The following ARHGEF10L variants were observed in gnomAD, a reference collection of about 807,000 sequenced individuals.
ARHGEF10L encodes rho guanine nucleotide exchange factor 10-like protein.
Under a neutral mutation model 141.2 loss-of-function variants are expected in ARHGEF10L, and 69 were observed. That is an observed-to-expected ratio of 0.49 (90% CI 0.40 to 0.60). ARHGEF10L has a LOEUF of 0.60. Ranked by LOEUF, ARHGEF10L falls within the 20% of genes least tolerant of loss-of-function variation. The probability of loss-of-function intolerance (pLI) is 0.00; values close to 1 mark genes in which losing one functional copy is unlikely to be tolerated. For synonymous variants in ARHGEF10L, 711 were observed against 718.5 expected, an observed-to-expected ratio of 0.99 and a Z score of 0.17; for missense variants, 1,482 against 1,734.3, an observed-to-expected ratio of 0.85 and a Z score of 2.58.
In ARHGEF10L at chr1:17,634,290, C is replaced by G. The variant is rs543151500; in HGVS notation, c.1731-258C>G. 4.8e-6 allele frequency: 3 copies of G among 624,648 alleles called. No homozygotes were observed. In the African/African-American group the frequency reaches 5.6e-5, roughly 12 times the overall value. The allele number at this position is 624,648 out of a possible 1,614,324, so 38.7% of individuals were successfully genotyped here. ...AGTTTGGGTGATTTGGGCTGAGTCA[C>G]TTCACTTGACTGAGGATCAGTGTCC... On this transcript the variant is annotated intron_variant, in intron 16 of 28. Transcript: ENST00000361221.
rs536337411 is a variant in ARHGEF10L, at chr1:17,684,677, C to T, written c.3010-2896C>T. On this transcript the variant is annotated intron_variant, in intron 26 of 28. Transcript: ENST00000361221. ...TTGGGGGGCCCCCACCCAATGGAGA[C>T]ACCGCACCCCTGCCTTTGGTGAACT... is the stretch of plus-strand genomic sequence containing the variant. Among the ~76,000 whole-genome samples, 9 of 152,312 alleles carry T rather than the reference C, an allele frequency of 5.9e-5. No homozygotes were observed. The South Asian group carries it at 1.9e-3, about 32-fold the overall frequency.
intron 26 of ARHGEF10L, among the ~76,000 whole-genome samples, chr1:17,670,154 G>T (rs543651677): frequency 6.6e-6 from 1 of 152,272 alleles, no homozygotes; most frequent in Non-Finnish European, 1.5e-5. Flanking sequence ...AGGGTGGGGC[G>T]CCTGAGCTGA....
intron 1 of ARHGEF10L, among the ~76,000 whole-genome samples, chr1:17,575,503 A>G (rs183543872): frequency 1.3e-5 from 2 of 152,360 alleles, no homozygotes; most frequent in Non-Finnish European, 2.9e-5. Context: ...GAGATGTCAA[A>G]CAGGTCAGGT....
chr1:17,695,236 T>C lies in ARHGEF10L; in HGVS notation c.3263T>C (p.Val1088Ala). 6.2e-7 allele frequency: 1 copy of C among 1,606,972 alleles called. No individual in the cohort carries two copies. Among genetic ancestry groups the C allele is most frequent in the Non-Finnish European group, 8.5e-7 (1 of 1,177,282 alleles). The change falls in exon 28 of 29, where the codon GTC becomes GCC. Residue 1088 changes from valine to alanine, a missense_variant. Transcript: ENST00000361221. ...GTGGGCACTGACCAGGGTGTCATCG[T>C]CCTGCTGCCCGTGCCTCGGCTGGAA... ...LWVGTDQGVI[V>A]LLPVPRLEGI...
At chr1:17,646,879 G>A (rs541389357) in intron 21 of ARHGEF10L, among the ~76,000 whole-genome samples, 21 of 152,110 alleles carry the variant, frequency 1.4e-4, no homozygotes, top group African/African-American at 4.1e-4. Flanking sequence ...AGGGACCTTC[G>A]CAGCTCTTCC....
intron 1 of ARHGEF10L, among the ~76,000 whole-genome samples, chr1:17,574,344 C>T (rs988923334): frequency 1.3e-5 from 2 of 152,186 alleles, no homozygotes; most frequent in African/African-American, 4.8e-5. Flanking sequence ...CAGCTATTGT[C>T]ATTTCAAATT....
At chr1:17,549,694 A>C (rs2077042831) in intron 1 of ARHGEF10L, among the ~76,000 whole-genome samples, 1 of 152,340 alleles carries the variant, frequency 6.6e-6, no homozygotes, top group African/African-American at 2.4e-5. Flanking sequence ...CTGTTACTCT[A>C]GGTGCAAAAG....
At chr1:17,575,938 C>T (rs567196280) in intron 1 of ARHGEF10L, among the ~76,000 whole-genome samples, 5 of 152,312 alleles carry the variant, frequency 3.3e-5, no homozygotes, top group East Asian at 3.9e-4. Flanking sequence ...GGGCCAGAAC[C>T]GATTCCTTGC....
chr1:17,638,771 G>GAGCC lies in ARHGEF10L; in HGVS notation c.2171+83_2171+86dup, dbSNP rs1413078415. ...GCAGGGGATCCGGAGAGGGTACCTGGAGCCCTCTTATTTGTCGAGATGCCA... is the reference window on the plus strand; with the variant it reads ...GCAGGGGATCCGGAGAGGGTACCTGGAGCCAGCCCTCTTATTTGTCGAGATGCCA... On this transcript the variant is annotated intron_variant, in intron 20 of 28. Coordinates refer to ENST00000361221, the MANE Select transcript of ARHGEF10L (RefSeq NM_018125.4). 1.9e-6 allele frequency: 3 copies of GAGCC among 1,576,966 alleles called. No individual in the cohort carries two copies. The African/African-American group carries it at 4.0e-5, about 21-fold the overall frequency.
In ARHGEF10L at chr1:17,656,820, TC is replaced by T; in HGVS notation, c.2860+113del. The T allele has an allele frequency of 7.3e-7, 1 of 1,365,156 alleles. No homozygotes were observed. The highest frequency in any genetic ancestry group is 1.4e-5 in the African/African-American group (1 of 69,684). The allele number at this position is 1,365,156 out of a possible 1,614,324, so 84.6% of individuals were successfully genotyped here. On this transcript the variant is annotated intron_variant, in intron 25 of 28. Transcript: ENST00000361221. This position sits in a 1 kb window ranked among gnomAD's most constrained non-coding sequence, Gnocchi z 4.9. ...CTGGGCAGGAATGAATTGGGAAATC[TC>T]AGTGCTGAGGGCATTTGGAGATCCG...
At chr1:17,665,171 G>A (rs1316853984) in intron 26 of ARHGEF10L, among the ~76,000 whole-genome samples, 1 of 152,226 alleles carries the variant, frequency 6.6e-6, no homozygotes, top group Non-Finnish European at 1.5e-5. Context: ...GGGAGACTCA[G>A]CATGGTTCCC....
intron 26 of ARHGEF10L, among the ~76,000 whole-genome samples, chr1:17,685,996 G>A (rs2064537699): frequency 6.6e-6 from 1 of 152,196 alleles, no homozygotes; most frequent in South Asian, 2.1e-4. Flanking sequence ...TCCTGCTCCT[G>A]GAGTAAGCCT....
chr1:17,640,102 C>G lies in ARHGEF10L; in HGVS notation c.2172-100C>G. On this transcript the variant is annotated intron_variant, in intron 20 of 28. Transcript: ENST00000361221. ...GATGCTCTGACCAGACCTCCTTGAT[C>G]TCCAGGGCGCGTGGGTTGGAGGAAG... 7 of 1,506,640 alleles carry G rather than the reference C, an allele frequency of 4.6e-6. No homozygotes were observed. The South Asian group carries it at 7.8e-5, about 17-fold the overall frequency. The allele number at this position is 1,506,640 out of a possible 1,614,324, so 93.3% of individuals were successfully genotyped here.
At chr1:17,535,911 G>A (rs1416766830), upstream of ARHGEF10L, among the ~76,000 whole-genome samples, 9 of 152,186 alleles carry the variant, frequency 5.9e-5, no homozygotes, top group Admixed American at 2.0e-4. Context: ...TCCAGCCTCC[G>A]TGGACTCACA....
At chr1:17,618,707 A>T (rs1252162742) in intron 9 of ARHGEF10L, among the ~76,000 whole-genome samples, 1 of 151,944 alleles carries the variant, frequency 6.6e-6, no homozygotes, top group Non-Finnish European at 1.5e-5. Context: ...GGGGGCTGGA[A>T]CCCTCTCCGG....
intron 15 of ARHGEF10L, among the ~76,000 whole-genome samples, chr1:17,628,817 G>C (rs2060520520): frequency 6.6e-6 from 1 of 152,140 alleles, no homozygotes; most frequent in South Asian, 2.1e-4. Context: ...CATGTGTGCT[G>C]CACTTTACAG....
Position 17,644,788 on chromosome 1 carries a change from A to T in ARHGEF10L, c.2273-3766A>T, listed in dbSNP as rs1039523383. ...CTCAGCTGCCCTCAGTAATAGCGAC[A>T]GTCAGACCATGAGCAGCGAGGACAG... On this transcript the variant is annotated intron_variant, in intron 21 of 28. Transcript: ENST00000361221. This position sits in a 1 kb window ranked among gnomAD's most constrained non-coding sequence, Gnocchi z 4.5. Among the ~76,000 whole-genome samples the T allele has an allele frequency of 1.3e-5, 2 of 152,202 alleles. No individual in the cohort carries two copies. The highest frequency in any genetic ancestry group is 2.4e-5 in the African/African-American group (1 of 41,454).
At chr1:17,613,895 G>A (rs563203469) in intron 8 of ARHGEF10L, among the ~76,000 whole-genome samples, 4 of 152,212 alleles carry the variant, frequency 2.6e-5, no homozygotes, top group African/African-American at 9.6e-5. Flanking sequence ...TTGAAATGGG[G>A]GCATTCACAG....
chr1:17,585,360 A>G (rs941411216), intron 2 of ARHGEF10L, among the ~76,000 whole-genome samples: 3 of 152,160 alleles, frequency 2.0e-5, no homozygotes, highest in African/African-American at 7.2e-5. Context: ...GGTCTTGGGT[A>G]AATGGAGGTG....
Sources: gnomAD v4.1 joint callset for allele counts (sites outside exome capture counted in the v4.1 genomes callset) on GRCh38, gnomAD v4.1.1 for gene constraint, Gnocchi (gnomAD v3.1) non-coding constraint, MANE v1.5 for transcripts, NCBI Gene and HGNC (gene_info 2026-07-23, HGNC 2026-07-21) for gene names.